Variants in OLFM3 observed in about 807,000 individuals in gnomAD.
The protein encoded by OLFM3 is olfactomedin 3.
In OLFM3, 20 loss-of-function variants were observed where a neutral mutation model predicts 48.6. The ratio of observed to expected loss-of-function variants is 0.41; its 90% CI spans 0.29 to 0.60. OLFM3 has a LOEUF of 0.60. OLFM3 is among the 20% of genes least tolerant of loss of function. The pLI, the probability that OLFM3 is intolerant of heterozygous loss-of-function variation, is 0.28. For synonymous variants in OLFM3, 222 were observed against 198.1 expected (o/e 1.12, Z -1.01); for missense variants, 437 against 544.3 (o/e 0.80, Z 1.96).
rs1369964374 is a variant in OLFM3, at chr1:101,885,710, C to A, written c.70-48685G>T. Among the ~76,000 whole-genome samples the A allele has an allele frequency of 3.3e-5, 5 of 152,010 alleles. No individual in the cohort carries two copies. In the East Asian group the frequency reaches 9.7e-4, roughly 29 times the overall value. ...TTTCTTAATAACATTTTCTTTTCTC[C>A]AGCTTACTTTGTCATACAAATACAG... On this transcript the variant is annotated intron_variant, in intron 1 of 5. Coordinates refer to ENST00000370103, the MANE Select transcript of OLFM3 (RefSeq NM_058170.4).
At chr1:101,962,530 T>C (rs28524138) in intron 1 of OLFM3, among the ~76,000 whole-genome samples, 1 of 152,178 alleles carries the variant, frequency 6.6e-6, no homozygotes, top group Non-Finnish European at 1.5e-5. Flanking sequence ...TATTGATCCT[T>C]GATAATGTAT....
chr1:101,990,334 G>A (rs967930281), intron 1 of OLFM3, among the ~76,000 whole-genome samples: 14 of 152,272 alleles, frequency 9.2e-5, no homozygotes, highest in Admixed American at 7.2e-4. Flanking sequence ...GTGAAGGAAC[G>A]TGATAAGCCT....
chr1:101,846,135 C>G (rs1176307823), intron 1 of OLFM3, among the ~76,000 whole-genome samples: 2 of 152,092 alleles, frequency 1.3e-5, no homozygotes, highest in African/African-American at 2.4e-5. Context: ...TTGCTTCAAA[C>G]TATCAGGAAA....
At position 101,830,610 on chromosome 1, in the gene OLFM3, A is replaced by G. The variant is rs1570534002; in HGVS notation, c.372+62T>C. ...ACATTCATTTCTAGCTGAGTGCCCC[A>G]CTGCTGTCCATCCCACTCCATGTCT... On this transcript the variant is annotated intron_variant, in intron 3 of 5. Coordinates refer to ENST00000370103, the MANE Select transcript of OLFM3 (RefSeq NM_058170.4). 5.1e-6 allele frequency: 8 copies of G among 1,562,610 alleles called. No homozygotes were observed. In the East Asian group the frequency reaches 1.3e-4, roughly 26 times the overall value.
chr1:101,927,744 ATATT>A (rs1013594340), intron 1 of OLFM3, among the ~76,000 whole-genome samples: 1 of 149,024 alleles, frequency 6.7e-6, no homozygotes, highest in African/African-American at 2.4e-5. Context: ...TTTATTTTAA[ATATT>A]TAAAGTTTTA....
At chr1:101,838,120 G>A (rs988896684) in intron 1 of OLFM3, among the ~76,000 whole-genome samples, 6 of 152,074 alleles carry the variant, frequency 3.9e-5, no homozygotes, top group African/African-American at 1.4e-4. Flanking sequence ...CACCTCAGCC[G>A]ATATCTCAGC....
rs981200986 is a variant in OLFM3 at position 101,918,570 on chromosome 1, T to TA, written c.69+78177_69+78178insT. 1.1e-4 allele frequency among the ~76,000 whole-genome samples: 17 copies of TA among 151,416 alleles called. 1 individual carries two copies. The highest frequency in any genetic ancestry group is 4.1e-4 in the African/African-American group (17 of 41,230). On this transcript the variant is annotated intron_variant, in intron 1 of 5. Transcript: ENST00000370103. ...CTCTGACTCTCCTTCCTCCTTTTTT[T>TA]TTTTTTAACTTATAAGGTGCTTTTC...
At position 101,899,394 on chromosome 1, in the gene OLFM3, G is replaced by C. The variant is rs147839219; in HGVS notation, c.70-62369C>G. Among the ~76,000 whole-genome samples the C allele has an allele frequency of 2.6e-5, 4 of 152,288 alleles. No individual in the cohort carries two copies. The South Asian group carries it at 8.3e-4, about 32-fold the overall frequency. Reference sequence around the variant, plus strand: ...ATAAGAGCAGATGAAAGAGGGAGAGGAGGGGCAAGACTGTAGCAAAAGTGT... The same window carrying C: ...ATAAGAGCAGATGAAAGAGGGAGAGCAGGGGCAAGACTGTAGCAAAAGTGT... On this transcript the variant is annotated intron_variant, in intron 1 of 5. Transcript: ENST00000370103.
At chr1:101,923,218 T>G (rs1395271250) in intron 1 of OLFM3, among the ~76,000 whole-genome samples, 1 of 152,194 alleles carries the variant, frequency 6.6e-6, no homozygotes, top group African/African-American at 2.4e-5. Context: ...CATGTAAATT[T>G]TAAAATTTAC....
intron 1 of OLFM3, among the ~76,000 whole-genome samples, chr1:101,937,626 A>G (rs772816284): frequency 1.3e-5 from 2 of 152,148 alleles, no homozygotes; most frequent in African/African-American, 2.4e-5. Flanking sequence ...GCCTTCTGCC[A>G]TGCTTTTGAG....
chr1:101,813,564 T>C (rs896248108), intron 4 of OLFM3, among the ~76,000 whole-genome samples: 7 of 152,216 alleles, frequency 4.6e-5, no homozygotes, highest in Non-Finnish European at 5.9e-5. Flanking sequence ...AACTTATCCC[T>C]ATAATCAGGA....
chr1:101,905,876 A>G (rs1005564983), intron 1 of OLFM3, among the ~76,000 whole-genome samples: 1 of 152,076 alleles, frequency 6.6e-6, no homozygotes, highest in African/African-American at 2.4e-5. Context: ...GAGAACCACA[A>G]TTCTCAGCAA....
At chr1:101,876,835 T>C (rs960755086) in intron 1 of OLFM3, among the ~76,000 whole-genome samples, 5 of 152,090 alleles carry the variant, frequency 3.3e-5, no homozygotes, top group Middle Eastern at 3.4e-3. Flanking sequence ...GTCATGTAAT[T>C]GTGTTCATAT....
chr1:101,965,214 C>T (rs1660574525), intron 1 of OLFM3, among the ~76,000 whole-genome samples: 1 of 152,128 alleles, frequency 6.6e-6, no homozygotes, highest in Non-Finnish European at 1.5e-5. Context: ...CTTCAAATAA[C>T]CTGAATAAAT....
intron 1 of OLFM3, among the ~76,000 whole-genome samples, chr1:101,875,428 A>C (rs1490988612): frequency 1.3e-5 from 2 of 152,000 alleles, no homozygotes; most frequent in African/African-American, 4.8e-5. Flanking sequence ...TAAAGGTACC[A>C]TCTTAATGCA....
intron 1 of OLFM3, among the ~76,000 whole-genome samples, chr1:101,950,766 A>G (rs528282878): frequency 1.3e-5 from 2 of 152,214 alleles, no homozygotes; most frequent in South Asian, 4.1e-4. Flanking sequence ...TTAAAAATTT[A>G]CTATCTCTGT....
At chr1:101,977,462 T>C (rs1447188982) in intron 1 of OLFM3, among the ~76,000 whole-genome samples, 1 of 152,146 alleles carries the variant, frequency 6.6e-6, no homozygotes, top group African/African-American at 2.4e-5. Flanking sequence ...TCACAGCATC[T>C]GGGAGACCTG....
intron 4 of OLFM3, among the ~76,000 whole-genome samples, chr1:101,818,743 G>T (rs964352937): frequency 3.3e-5 from 5 of 152,078 alleles, no homozygotes; most frequent in Non-Finnish European, 7.4e-5. Context: ...ATGAAAAAAG[G>T]CTGTGCTTTT....
intron 1 of OLFM3, among the ~76,000 whole-genome samples, chr1:101,912,261 G>A (rs1658785288): frequency 6.6e-6 from 1 of 152,166 alleles, no homozygotes. Context: ...ATTCACGTAT[G>A]TGCAAAGCTG....
Sources: gnomAD v4.1 joint callset for allele counts (sites outside exome capture counted in the v4.1 genomes callset) on GRCh38, gnomAD v4.1.1 for gene constraint, MANE v1.5 for transcripts, NCBI Gene and HGNC (gene_info 2026-07-23, HGNC 2026-07-21) for gene names.